Variants in L3MBTL4 observed in about 807,000 individuals in gnomAD.
L3MBTL4 encodes the protein lethal(3)malignant brain tumor-like protein 4.
A neutral mutation model predicts 84.5 loss-of-function variants in L3MBTL4; 70 were observed. That is an observed-to-expected ratio of 0.83 (90% CI 0.68 to 1.01). The LOEUF is 1.01. Among genes scored for constraint, L3MBTL4 ranks in the 50% least tolerant of loss-of-function variants. The pLI is 0.00. For synonymous variants in L3MBTL4, 274 were observed against 259.8 expected (o/e 1.05, Z -0.52); for missense variants, 715 against 754.8 (o/e 0.95, Z 0.62).
rs183396991 is a variant in L3MBTL4 at position 5,994,966 on chromosome 18, C to T, written c.1445-25404G>A. The stretch of plus-strand genomic sequence containing the variant: ...TCCCCTCTACACTGAGATAAGCCTC[C>T]CTTTTGTTCATCATTCTGATTTAGT... On this transcript the variant is annotated intron_variant, in intron 16 of 18. Coordinates refer to ENST00000317931, the MANE Select transcript of L3MBTL4 (RefSeq NM_001330559.2). Among the ~76,000 whole-genome samples the T allele has an allele frequency of 6.0e-4, 91 of 152,336 alleles. 1 individual carries two copies. Among genetic ancestry groups the T allele is most frequent in the African/African-American group, 1.9e-3 (80 of 41,586 alleles).
At chr18:6,076,195 C>G (rs1224174410) in intron 16 of L3MBTL4, among the ~76,000 whole-genome samples, 1 of 152,162 alleles carries the variant, frequency 6.6e-6, no homozygotes, top group African/African-American at 2.4e-5. Context: ...CTAGAATGTT[C>G]CTAGTGGAAA....
intron 16 of L3MBTL4, among the ~76,000 whole-genome samples, chr18:6,009,307 G>A (rs923135098): frequency 1.3e-5 from 2 of 152,170 alleles, no homozygotes; most frequent in African/African-American, 2.4e-5. Flanking sequence ...GACCAGTCAG[G>A]ATGAGGCCAG....
At chr18:6,210,967 G>C (rs963325934) in intron 12 of L3MBTL4, among the ~76,000 whole-genome samples, 1 of 152,122 alleles carries the variant, frequency 6.6e-6, no homozygotes, top group African/African-American at 2.4e-5. Context: ...AATATAAAGA[G>C]CCAGGTAGAG....
At chr18:6,292,778 G>T (rs994762723) in intron 4 of L3MBTL4, among the ~76,000 whole-genome samples, 1 of 152,088 alleles carries the variant, frequency 6.6e-6, no homozygotes, top group Non-Finnish European at 1.5e-5. Flanking sequence ...ACACAACATT[G>T]CTCCAAGCAT....
chr18:5,998,383 G>A (rs560412803), intron 16 of L3MBTL4, among the ~76,000 whole-genome samples: 99 of 152,330 alleles, frequency 6.5e-4, no homozygotes, highest in African/African-American at 2.3e-3. Context: ...CTATAAAGGA[G>A]AGGCCTGGTG....
chr18:6,207,291 C>G (rs1334771816), intron 12 of L3MBTL4, among the ~76,000 whole-genome samples: 2 of 152,204 alleles, frequency 1.3e-5, no homozygotes, highest in Admixed American at 6.5e-5. Flanking sequence ...GCACTGCCAC[C>G]TGGTTTAAGA....
At chr18:6,240,519 C>G (rs2047407656) in intron 8 of L3MBTL4, among the ~76,000 whole-genome samples, 1 of 151,864 alleles carries the variant, frequency 6.6e-6, no homozygotes. Context: ...TTTACAATAA[C>G]ATAACAATTA....
chr18:6,201,124 G>C (rs1339400806), intron 12 of L3MBTL4, among the ~76,000 whole-genome samples: 1 of 152,154 alleles, frequency 6.6e-6, no homozygotes. Context: ...TTACATTCTA[G>C]AGGCAAAACA....
intron 1 of L3MBTL4, among the ~76,000 whole-genome samples, chr18:6,380,588 C>T (rs147975344): frequency 0.034 from 5,237 of 152,154 alleles, 323 homozygotes; most frequent in African/African-American, 0.12. Flanking sequence ...AGTAGTCATT[C>T]GGGAGCAGGT....
At chr18:6,076,253 A>T (rs1434360166) in intron 16 of L3MBTL4, among the ~76,000 whole-genome samples, 1 of 152,248 alleles carries the variant, frequency 6.6e-6, no homozygotes, top group East Asian at 1.9e-4. Flanking sequence ...AAATTGTGGT[A>T]TCTTCACAAA....
At chr18:6,000,210 A>G (rs2054153379) in intron 16 of L3MBTL4, among the ~76,000 whole-genome samples, 1 of 152,258 alleles carries the variant, frequency 6.6e-6, no homozygotes, top group African/African-American at 2.4e-5. Flanking sequence ...ATCCATAAAA[A>G]TATTGCCACT....
intron 1 of L3MBTL4, among the ~76,000 whole-genome samples, chr18:6,346,694 T>G (rs2052922103): frequency 6.6e-6 from 1 of 151,970 alleles, no homozygotes; most frequent in South Asian, 2.1e-4. Flanking sequence ...GAAAAAATAA[T>G]AAATATTGGC....
intron 16 of L3MBTL4, among the ~76,000 whole-genome samples, chr18:5,990,218 G>A (rs1421257885): frequency 6.6e-6 from 1 of 152,100 alleles, no homozygotes; most frequent in Non-Finnish European, 1.5e-5. Context: ...GTGTATTGCT[G>A]GACTATCGAT....
At chr18:6,113,049 C>T (rs938768612) in intron 14 of L3MBTL4, among the ~76,000 whole-genome samples, 3 of 152,110 alleles carry the variant, frequency 2.0e-5, no homozygotes, top group Non-Finnish European at 2.9e-5. Flanking sequence ...CGGCACATCG[C>T]AGAACAGAGC....
At chr18:6,049,130 G>GA (rs374484313) in intron 16 of L3MBTL4, among the ~76,000 whole-genome samples, 1,569 of 149,434 alleles carry the variant, frequency 0.01, 12 homozygotes, top group African/African-American at 0.013. Context: ...CCAAACAAAA[G>GA]AAAAAAAAAG....
chr18:6,311,786 C>T (rs1011199115), intron 2 of L3MBTL4, 130 bp from the exon 3 acceptor site: 11 of 601,978 alleles, frequency 1.8e-5, no homozygotes, highest in Admixed American at 1.4e-4. Context: ...GATAAGTTGA[C>T]AAAAACTTTG....
At chr18:6,293,905 G>T (rs1480155515) in intron 4 of L3MBTL4, among the ~76,000 whole-genome samples, 1 of 152,186 alleles carries the variant, frequency 6.6e-6, no homozygotes, top group Non-Finnish European at 1.5e-5. Context: ...AGATTGAGGG[G>T]ACGGGAGATA....
At chr18:5,986,461 C>A (rs938435894) in intron 16 of L3MBTL4, among the ~76,000 whole-genome samples, 4 of 152,236 alleles carry the variant, frequency 2.6e-5, no homozygotes, top group African/African-American at 9.6e-5. Context: ...TTGCATGCAA[C>A]ATCATATGAT....
intron 1 of L3MBTL4, chr18:6,326,680 A>T (rs1428703822): frequency 6.6e-6 from 1 of 152,258 alleles, no homozygotes; most frequent in African/African-American, 2.4e-5. Flanking sequence ...GGGCTATGAG[A>T]TGTCATCAGC....
Sources: allele counts gnomAD v4.1 joint callset (sites outside exome capture counted in the v4.1 genomes callset), GRCh38; gene constraint gnomAD v4.1.1; transcripts MANE v1.5; gene names NCBI Gene and HGNC (gene_info 2026-07-23, HGNC 2026-07-21).